The following ARHGAP26 variants were observed in gnomAD, a reference collection of about 807,000 sequenced individuals.
ARHGAP26 encodes rho GTPase-activating protein 26.
ARHGAP26 carries 38 observed loss-of-function variants against 104.8 expected under a neutral mutation model. The observed-to-expected ratio is 0.36, with a 90% CI of 0.28 to 0.48. ARHGAP26 has a LOEUF of 0.48. Among genes scored for constraint, ARHGAP26 ranks in the 20% least tolerant of loss-of-function variants. The pLI is 0.99. For synonymous variants in ARHGAP26, 341 were observed against 340.0 expected (o/e 1.00, Z -0.03); for missense variants, 704 against 947.9 (o/e 0.74, Z 3.38).
chr5:143,189,455 C>G (rs1021735605), intron 20 of ARHGAP26, among the ~76,000 whole-genome samples: 1 of 152,160 alleles, frequency 6.6e-6, no homozygotes, highest in African/African-American at 2.4e-5. Flanking sequence ...CCTGCTTTCA[C>G]ACTGCCTTGA....
intron 17 of ARHGAP26, among the ~76,000 whole-genome samples, chr5:143,076,118 A>G (rs957960769): frequency 1.5e-4 from 23 of 151,258 alleles, no homozygotes; most frequent in Admixed American, 6.6e-5. Flanking sequence ...TTACCCTCCC[A>G]AGTAACTAGG....
At chr5:142,893,566 C>T (rs1031182211) in intron 5 of ARHGAP26, among the ~76,000 whole-genome samples, 2 of 152,172 alleles carry the variant, frequency 1.3e-5, no homozygotes, top group African/African-American at 4.8e-5. Context: ...CATGGGGGTA[C>T]AGGTATCCCT....
chr5:143,019,530 T>C lies in ARHGAP26; in HGVS notation c.1144+5414T>C, dbSNP rs113829940. Among the ~76,000 whole-genome samples the C allele has an allele frequency of 3.2e-3, 485 of 152,296 alleles. 3 individuals are homozygous for C. The highest frequency in any genetic ancestry group is 0.011 in the African/African-American group (463 of 41,556). The stretch of plus-strand genomic sequence containing the variant: ...ACTCCCCAAAGACTATGAGAATTGG[T>C]TCATTTTTCTTTGTAATGAGTCCAG... On this transcript the variant is annotated intron_variant, in intron 12 of 22. Transcript: ENST00000645722.
Position 142,824,075 on chromosome 5 carries a change from A to G in ARHGAP26, c.155-49325A>G, listed in dbSNP as rs182754227. Among the ~76,000 whole-genome samples the G allele has an allele frequency of 1.7e-4, 26 of 152,314 alleles. No homozygotes were observed. In the East Asian group the frequency reaches 4.6e-3, roughly 27 times the overall value. ...TGCACATTTGGGGACCAGCTCCACAATGGGTTTCACACCATAATTTTTTGT... is the reference window on the plus strand; with the variant it reads ...TGCACATTTGGGGACCAGCTCCACAGTGGGTTTCACACCATAATTTTTTGT... On this transcript the variant is annotated intron_variant, in intron 1 of 22. Transcript: ENST00000645722.
chr5:142,805,439 T>G (rs1762823698), intron 1 of ARHGAP26, among the ~76,000 whole-genome samples: 1 of 152,206 alleles, frequency 6.6e-6, no homozygotes, highest in Non-Finnish European at 1.5e-5. Flanking sequence ...CATAGACATT[T>G]GGATCATTTT....
intron 1 of ARHGAP26, among the ~76,000 whole-genome samples, chr5:142,803,955 A>C (rs1016020293): frequency 3.9e-5 from 6 of 152,182 alleles, no homozygotes; most frequent in Non-Finnish European, 8.8e-5. Context: ...TTGTATCAGC[A>C]CTGGTAGGTG....
At chr5:142,951,641 G>C (rs1451725609) in intron 11 of ARHGAP26, among the ~76,000 whole-genome samples, 1 of 152,110 alleles carries the variant, frequency 6.6e-6, no homozygotes. Context: ...TTCCAGCTCT[G>C]AGATGTGAGT....
intron 5 of ARHGAP26, among the ~76,000 whole-genome samples, chr5:142,887,363 T>C (rs1470430855): frequency 6.6e-6 from 1 of 152,246 alleles, no homozygotes; most frequent in African/African-American, 2.4e-5. Flanking sequence ...ATTTCCTTTA[T>C]TTGTTAAATA....
At chr5:143,115,562 G>A (rs1399966287) in intron 17 of ARHGAP26, among the ~76,000 whole-genome samples, 3 of 151,914 alleles carry the variant, frequency 2.0e-5, no homozygotes, top group Non-Finnish European at 2.9e-5. Flanking sequence ...AGGATACCAA[G>A]CGAAACTACC....
intron 1 of ARHGAP26, among the ~76,000 whole-genome samples, chr5:142,807,323 A>C (rs1763171204): frequency 6.6e-6 from 1 of 152,154 alleles, no homozygotes; most frequent in South Asian, 2.1e-4. Context: ...TGAATGAGAG[A>C]TGTAGAGCCC....
chr5:143,122,020 GTA>G (rs777299019), intron 18 of ARHGAP26, among the ~76,000 whole-genome samples: 2 of 152,174 alleles, frequency 1.3e-5, no homozygotes, highest in East Asian at 1.9e-4. Context: ...TGATAATGTT[GTA>G]AGCCACCACT....
intron 19 of ARHGAP26, among the ~76,000 whole-genome samples, chr5:143,146,724 G>A (rs1799203031): frequency 6.6e-6 from 1 of 152,236 alleles, no homozygotes; most frequent in African/African-American, 2.4e-5. Context: ...TGGTGGAGTC[G>A]TAAGGACATT....
chr5:142,864,250 C>A (rs981127116), intron 1 of ARHGAP26, among the ~76,000 whole-genome samples: 6 of 152,154 alleles, frequency 3.9e-5, no homozygotes, highest in Non-Finnish European at 8.8e-5. Context: ...CACACTCATT[C>A]TTTTATCTGT....
At chr5:143,110,386 G>A (rs1260067961) in intron 17 of ARHGAP26, among the ~76,000 whole-genome samples, 1 of 152,206 alleles carries the variant, frequency 6.6e-6, no homozygotes, top group Non-Finnish European at 1.5e-5. Context: ...TGCAGTTTTG[G>A]CCTTTGTGCT....
chr5:142,937,204 C>T (rs1395969504), intron 11 of ARHGAP26, among the ~76,000 whole-genome samples: 1 of 151,990 alleles, frequency 6.6e-6, no homozygotes, highest in Non-Finnish European at 1.5e-5. Context: ...ACTCTCAAAA[C>T]TTAACAGCTA....
intron 1 of ARHGAP26, among the ~76,000 whole-genome samples, chr5:142,775,735 A>C (rs1756188655): frequency 6.6e-6 from 1 of 152,212 alleles, no homozygotes. Flanking sequence ...AATATTTGTC[A>C]TAAATATCTG....
At chr5:142,771,320 A>G (rs1755149128) in intron 1 of ARHGAP26, 1 of 1,232,548 alleles carries the variant, frequency 8.1e-7, no homozygotes, top group Non-Finnish European at 1.0e-6. Context: ...TTGAGTGCCC[A>G]ACCGTGAGAA....
intron 11 of ARHGAP26, among the ~76,000 whole-genome samples, chr5:143,004,026 A>G (rs1777580003): frequency 6.8e-6 from 1 of 147,500 alleles, no homozygotes; most frequent in Non-Finnish European, 1.5e-5. Flanking sequence ...ACAAAAAAAA[A>G]AAAAAAAAAA....
At chr5:142,947,116 AAAAG>A (rs1266266354) in intron 11 of ARHGAP26, 15 of 150,814 alleles carry the variant, frequency 9.9e-5, no homozygotes, top group Non-Finnish European at 1.9e-4. Flanking sequence ...AAAAAAAAAA[AAAAG>A]AGAGAGAGAG....
Sources: gnomAD v4.1 joint callset for allele counts (sites outside exome capture counted in the v4.1 genomes callset) on GRCh38, gnomAD v4.1.1 for gene constraint, MANE v1.5 for transcripts, NCBI Gene and HGNC (gene_info 2026-07-23, HGNC 2026-07-21) for gene names.